Variants in THSD7B observed in about 807,000 individuals in gnomAD.
THSD7B encodes thrombospondin type-1 domain-containing protein 7B.
Under a neutral mutation model 213.6 loss-of-function variants are expected in THSD7B, and 138 were observed. The ratio of observed to expected loss-of-function variants is 0.65; its 90% CI spans 0.56 to 0.74. THSD7B has a LOEUF of 0.74. Among genes scored for constraint, THSD7B ranks in the 30% least tolerant of loss-of-function variants. The pLI is 0.00. For synonymous variants in THSD7B, 742 were observed against 687.0 expected (o/e 1.08, Z -1.25); for missense variants, 1,931 against 1,991.5 (o/e 0.97, Z 0.58).
intron 22 of THSD7B, 115 bp from the exon 23 acceptor site, chr2:137,656,681 G>T (rs1683241833): frequency 1.1e-6 from 1 of 885,096 alleles, no homozygotes; most frequent in Non-Finnish European, 1.7e-6. Flanking sequence ...AGAATGTGTA[G>T]TATCAGGAAC....
chr2:137,364,271 GACAA>G (rs1205884899), intron 12 of THSD7B, among the ~76,000 whole-genome samples: 1 of 152,048 alleles, frequency 6.6e-6, no homozygotes, highest in South Asian at 2.1e-4. Flanking sequence ...ATTTATGACA[GACAA>G]ACAGCCAATA....
At chr2:136,955,743 T>C (rs780328919) in intron 2 of THSD7B, among the ~76,000 whole-genome samples, 1 of 152,124 alleles carries the variant, frequency 6.6e-6, no homozygotes, top group South Asian at 2.1e-4. Flanking sequence ...GACAGAAATA[T>C]AGAAACTATA....
chr2:137,456,650 C>A (rs572187846), intron 15 of THSD7B, among the ~76,000 whole-genome samples: 3 of 152,136 alleles, frequency 2.0e-5, no homozygotes, highest in Non-Finnish European at 2.9e-5. Flanking sequence ...CCAAACCGAT[C>A]CATGATTGAG....
At chr2:137,170,702 A>G (rs1366992598) in intron 6 of THSD7B, 39 bp from the exon 7 acceptor site, 1 of 1,589,918 alleles carries the variant, frequency 6.3e-7, no homozygotes, top group African/African-American at 1.4e-5. Flanking sequence ...CCTGGAAAAG[A>G]GTGGAATTCT....
chr2:137,299,708 T>C (rs1412419172), intron 12 of THSD7B, among the ~76,000 whole-genome samples: 4 of 152,150 alleles, frequency 2.6e-5, no homozygotes, highest in Non-Finnish European at 5.9e-5. Flanking sequence ...CTTTTAAAAA[T>C]ATTAAACTTG....
chr2:137,627,211 C>G (rs753693293), intron 20 of THSD7B, among the ~76,000 whole-genome samples: 1 of 152,234 alleles, frequency 6.6e-6, no homozygotes. Context: ...AGAACTCACT[C>G]TCCCCCAAGG....
At chr2:137,416,444 GT>G (rs1242900305) in intron 14 of THSD7B, among the ~76,000 whole-genome samples, 1 of 152,148 alleles carries the variant, frequency 6.6e-6, no homozygotes, top group Non-Finnish European at 1.5e-5. Flanking sequence ...TTCCGCTCTT[GT>G]GTTTTTTTGT....
chr2:137,105,159 T>A (rs1688223063), intron 4 of THSD7B, among the ~76,000 whole-genome samples: 2 of 152,170 alleles, frequency 1.3e-5, no homozygotes, highest in Non-Finnish European at 1.5e-5. Context: ...AAATCCTCAA[T>A]AAAGTACTGG....
At chr2:137,090,162 T>C (rs13418245) in intron 3 of THSD7B, among the ~76,000 whole-genome samples, 5,617 of 152,190 alleles carry the variant, frequency 0.037, 345 homozygotes, top group African/African-American at 0.13. Context: ...TACAGGTCTA[T>C]ACATATGAAA....
chr2:136,973,503 C>T (rs1403508960), intron 2 of THSD7B, among the ~76,000 whole-genome samples: 1 of 152,058 alleles, frequency 6.6e-6, no homozygotes, highest in Non-Finnish European at 1.5e-5. Context: ...TTTGTCATTA[C>T]AAGAGAAGCA....
At chr2:137,014,932 A>G (rs1391062653) in intron 2 of THSD7B, among the ~76,000 whole-genome samples, 2 of 151,200 alleles carry the variant, frequency 1.3e-5, no homozygotes, top group Non-Finnish European at 3.0e-5. Flanking sequence ...GTCCTTCCCT[A>G]CCTGCCTCTG....
chr2:137,400,222 G>T (rs910351823), intron 12 of THSD7B, among the ~76,000 whole-genome samples: 1 of 151,710 alleles, frequency 6.6e-6, no homozygotes, highest in Non-Finnish European at 1.5e-5. Flanking sequence ...GGCATTTTGA[G>T]AATTTCTTTT....
intron 15 of THSD7B, among the ~76,000 whole-genome samples, chr2:137,508,756 T>A (rs989075733): frequency 6.6e-6 from 1 of 152,088 alleles, no homozygotes; most frequent in Non-Finnish European, 1.5e-5. Flanking sequence ...CCTGGGCAAG[T>A]GCTGCCCTGT....
At chr2:137,409,908 C>G (rs1324247088) in intron 13 of THSD7B, among the ~76,000 whole-genome samples, 2 of 152,194 alleles carry the variant, frequency 1.3e-5, no homozygotes, top group East Asian at 3.9e-4. Flanking sequence ...GGCTTTGTTT[C>G]TTGTTTTTGT....
chr2:137,392,551 C>T (rs931008313), intron 12 of THSD7B, among the ~76,000 whole-genome samples: 1 of 151,976 alleles, frequency 6.6e-6, no homozygotes, highest in Non-Finnish European at 1.5e-5. Flanking sequence ...TCTATTTTAT[C>T]TGATATAGCT....
At chr2:137,617,819 A>G (rs1313406181) in intron 18 of THSD7B, among the ~76,000 whole-genome samples, 1 of 152,080 alleles carries the variant, frequency 6.6e-6, no homozygotes, top group Non-Finnish European at 1.5e-5. Flanking sequence ...AGTGCCTTCT[A>G]GCTACATCCT....
intron 7 of THSD7B, among the ~76,000 whole-genome samples, chr2:137,183,492 T>G (rs963955121): frequency 6.6e-6 from 1 of 152,174 alleles, no homozygotes; most frequent in Non-Finnish European, 1.5e-5. Flanking sequence ...AAATCATGAT[T>G]GTAAAAAGTT....
chr2:137,161,989 A>C (rs1680028032), intron 6 of THSD7B, among the ~76,000 whole-genome samples: 1 of 152,190 alleles, frequency 6.6e-6, no homozygotes, highest in African/African-American at 2.4e-5. Flanking sequence ...TGCTGCCTTC[A>C]TCTACTTTCA....
intron 2 of THSD7B, among the ~76,000 whole-genome samples, chr2:136,930,482 A>G (rs1212932768): frequency 1.3e-5 from 2 of 152,206 alleles, no homozygotes; most frequent in African/African-American, 2.4e-5. Context: ...CAGAGGTTTG[A>G]TCTCTATGAC....
Sources: allele counts gnomAD v4.1 joint callset (sites outside exome capture counted in the v4.1 genomes callset), GRCh38; gene constraint gnomAD v4.1.1; transcripts MANE v1.5; gene names NCBI Gene and HGNC (gene_info 2026-07-23, HGNC 2026-07-21).